Variants in PPP1R12C observed in about 807,000 individuals in gnomAD.
The protein encoded by PPP1R12C is protein phosphatase 1 regulatory subunit 12C.
Under a neutral mutation model 95.6 loss-of-function variants are expected in PPP1R12C, and 48 were observed. That is an observed-to-expected ratio of 0.50 (90% CI 0.40 to 0.64). The LOEUF (loss-of-function observed/expected upper bound fraction) is 0.64, where lower values mean the gene tolerates loss of function less well. Among genes scored for constraint, PPP1R12C ranks in the 30% least tolerant of loss-of-function variants. The probability of loss-of-function intolerance (pLI) is 0.00; values close to 1 mark genes in which losing one functional copy is unlikely to be tolerated. For synonymous variants in PPP1R12C, 480 were observed against 460.8 expected (o/e 1.04, Z -0.53); for missense variants, 1,057 against 1,083.3 (o/e 0.98, Z 0.34).
At chr19:55,092,709 G>C in intron 16 of PPP1R12C, 47 bp from the exon 17 acceptor site, 6 of 1,526,736 alleles carry the variant, frequency 3.9e-6, no homozygotes, top group Non-Finnish European at 5.3e-6. Flanking sequence ...AGGGACTTTA[G>C]CGGGTATGGG....
chr19:55,111,433 T>C (rs1008188424), intron 3 of PPP1R12C: 8 of 152,142 alleles, frequency 5.3e-5, no homozygotes, highest in Non-Finnish European at 1.2e-4. Flanking sequence ...ATCTGAAGCT[T>C]TCCCAAAATA....
At position 55,112,727 on chromosome 19, in the gene PPP1R12C, T is replaced by C. The variant is rs2085111518; in HGVS notation, c.390A>G (p.Ala130=). Residue 130 remains alanine (A), a synonymous_variant, in exon 2 of 22, where the codon GCA becomes GCG. Coordinates refer to ENST00000263433, the MANE Select transcript of PPP1R12C (RefSeq NM_017607.4). The part of the protein sequence containing the change: ...LVEQGATVNQ[A]DNEGWTPLHV... ...GCAGTGGCGTCCAGCCCTCGTTGTC[T>C]GCCTGGTTCACAGTGGCGCCCTGCT... 6.2e-7 allele frequency: 1 copy of C among 1,613,766 alleles called. No homozygotes were observed. The highest frequency in any genetic ancestry group is 1.7e-5 in the Admixed American group (1 of 59,994).
At chr19:55,116,947 GAGT>G (rs2085160643) in intron 1 of PPP1R12C, among the ~76,000 whole-genome samples, 1 of 152,314 alleles carries the variant, frequency 6.6e-6, no homozygotes, top group South Asian at 2.1e-4. Context: ...ATGCGGAAGA[GAGT>G]AGGTCGAAGG....
chr19:55,098,949 A>T lies in PPP1R12C; in HGVS notation c.876+2T>A. ...CTCACCAGCCTGGGCACTGGCCCTC[A>T]CCGCATGGGTCAGTGAGTCCATGCC... is the stretch of plus-strand genomic sequence containing the variant. On this transcript the variant is annotated splice_donor_variant, in intron 5 of 21. Transcript: ENST00000263433. LOFTEE classifies it high-confidence loss of function. The T allele has an allele frequency of 6.3e-7, 1 of 1,583,100 alleles. No individual in the cohort carries two copies. Among genetic ancestry groups the T allele is most frequent in the Middle Eastern group, 1.7e-4 (1 of 5,940 alleles).
intron 4 of PPP1R12C, among the ~76,000 whole-genome samples, chr19:55,102,810 T>C (rs146903654): frequency 6.6e-6 from 1 of 152,334 alleles, no homozygotes; most frequent in Non-Finnish European, 1.5e-5. Flanking sequence ...GGTAAAACGA[T>C]ACATTTCAAA....
chr19:55,107,088 T>C (rs1191151242), intron 3 of PPP1R12C, among the ~76,000 whole-genome samples: 1 of 151,852 alleles, frequency 6.6e-6, no homozygotes, highest in Non-Finnish European at 1.5e-5. Context: ...CATATGGACT[T>C]CAGCTACATA....
chr19:55,093,330 AGAC>A, intron 13 of PPP1R12C, 97 bp from the exon 14 acceptor site: 2 of 185,148 alleles, frequency 1.1e-5, no homozygotes, highest in East Asian at 2.3e-4. Flanking sequence ...CTCCTCCCTC[AGAC>A]CCAGGAGCCC....
chr19:55,106,895 T>A (rs2085044440), intron 3 of PPP1R12C, among the ~76,000 whole-genome samples: 1 of 152,208 alleles, frequency 6.6e-6, no homozygotes, highest in South Asian at 2.1e-4. Context: ...GGTGGCCCAG[T>A]GAGCATCACG....
Position 55,091,125 on chromosome 19 carries a change from TG to T in PPP1R12C, c.*346del. The T allele has an allele frequency of 3.1e-6, 1 of 323,284 alleles. No individual in the cohort carries two copies. Among genetic ancestry groups the T allele is most frequent in the Non-Finnish European group, 5.9e-6 (1 of 170,830 alleles). 20.0% of individuals were successfully genotyped at this position (323,284 alleles called of 1,614,324 possible). ...GGATCCCTGCTCAGGAGGGGAGGGG[TG>T]ACGGGGTGGCATCACACGTGAGATG... On this transcript the variant is annotated 3_prime_UTR_variant, in exon 22 of 22. Coordinates refer to ENST00000263433, the MANE Select transcript of PPP1R12C (RefSeq NM_017607.4).
At position 55,092,602 on chromosome 19, in the gene PPP1R12C, C is replaced by A; in HGVS notation, c.1952+20G>T. 6.5e-7 allele frequency: 1 copy of A among 1,539,856 alleles called. No homozygotes were observed. On this transcript the variant is annotated intron_variant, in intron 17 of 21. Coordinates refer to ENST00000263433, the MANE Select transcript of PPP1R12C (RefSeq NM_017607.4). ...GGCCCGGCCCGCACGCAGACCCCAC[C>A]TCTCCCACCCCGCCCCTACCTGGAC...
chr19:55,110,818 C>A lies in PPP1R12C; in HGVS notation c.571+1649G>T, dbSNP rs1389509413. On this transcript the variant is annotated intron_variant, in intron 3 of 21. Coordinates refer to ENST00000263433, the MANE Select transcript of PPP1R12C (RefSeq NM_017607.4). The stretch of plus-strand genomic sequence containing the variant: ...CCCAGGAGGTGGAGGTTGCAGTGAG[C>A]CGAAATCATGCCATTGCACTCCAGC... Among the ~76,000 whole-genome samples, 5 of 150,678 alleles carry A rather than the reference C, an allele frequency of 3.3e-5. No homozygotes were observed. In the East Asian group the frequency reaches 9.7e-4, roughly 29 times the overall value.
chr19:55,112,839 G>T (rs754275903), intron 1 of PPP1R12C, 44 bp from the exon 2 acceptor site: 1 of 1,606,178 alleles, frequency 6.2e-7, no homozygotes. Flanking sequence ...CCCCAGCCAC[G>T]GTGTCCCAGC....
chr19:55,113,265 C>T, intron 1 of PPP1R12C: 2 of 693,374 alleles, frequency 2.9e-6, no homozygotes, highest in Non-Finnish European at 4.3e-6. Flanking sequence ...GGAAACCACC[C>T]CAGCAGATAC....
Position 55,112,854 on chromosome 19 carries a change from C to T in PPP1R12C, c.322-59G>A, listed in dbSNP as rs529095394. The T allele has an allele frequency of 4.2e-5, 68 of 1,601,248 alleles. 1 individual carries two copies. Among genetic ancestry groups the T allele is most frequent in the South Asian group, 4.2e-4 (38 of 90,800 alleles). ...CCCCAGCCACGGTGTCCCAGCAAGT[C>T]GGGACTCCAGAGGGAGCCACGAAAA... On this transcript the variant is annotated intron_variant, in intron 1 of 21. Coordinates refer to ENST00000263433, the MANE Select transcript of PPP1R12C (RefSeq NM_017607.4).
intron 4 of PPP1R12C, among the ~76,000 whole-genome samples, chr19:55,102,736 C>T (rs1181714973): frequency 6.6e-6 from 1 of 152,138 alleles, no homozygotes; most frequent in Non-Finnish European, 1.5e-5. Context: ...ACCTAATAAC[C>T]TACAGAGAAC....
chr19:55,108,936 C>T (rs1007892390), intron 3 of PPP1R12C, among the ~76,000 whole-genome samples: 2 of 152,146 alleles, frequency 1.3e-5, no homozygotes. Flanking sequence ...AAACTCCCGA[C>T]CTCAGGTGAT....
intron 1 of PPP1R12C, chr19:55,113,653 C>A (rs2053160383): frequency 8.3e-7 from 1 of 1,208,994 alleles, no homozygotes; most frequent in Admixed American, 4.2e-5. Context: ...GATAAATTAC[C>A]CCCCAAGTCC....
At position 55,096,293 on chromosome 19, in the gene PPP1R12C, G is replaced by A. The variant is rs1164640129; in HGVS notation, c.994C>T (p.Pro332Ser). The A allele has an allele frequency of 6.2e-7, 1 of 1,613,796 alleles. No homozygotes were observed. Among genetic ancestry groups the A allele is most frequent in the Non-Finnish European group, 8.5e-7 (1 of 1,179,928 alleles). The change falls in exon 7 of 22, where the codon CCC (proline) becomes TCC (serine). Residue 332 changes from proline to serine, a missense_variant. Pro to Ser is a moderately conservative substitution (Grantham distance 74). This residue lies in a region of PPP1R12C where 356 missense variants were observed against 330.5 expected (regional missense o/e 1.08). Coordinates refer to ENST00000263433, the MANE Select transcript of PPP1R12C (RefSeq NM_017607.4). ...KEASQSRGQEPQAPSSSKHRR... is the reference protein window; with the variant it reads ...KEASQSRGQESQAPSSSKHRR... ...TGTTTGCTGCTAGAGGGCGCTTGGGGCTCCTGGCCCCGGCTCTGGGAAGCT... is the reference window on the plus strand; with the variant it reads ...TGTTTGCTGCTAGAGGGCGCTTGGGACTCCTGGCCCCGGCTCTGGGAAGCT...
At chr19:55,116,793 A>G (rs73935303) in intron 1 of PPP1R12C, among the ~76,000 whole-genome samples, 59 of 152,144 alleles carry the variant, frequency 3.9e-4, no homozygotes, top group African/African-American at 1.4e-3. Context: ...GGTTCAGGAG[A>G]GGGCAGGGCA....
Sources: allele counts gnomAD v4.1 joint callset (sites outside exome capture counted in the v4.1 genomes callset), GRCh38; gene constraint gnomAD v4.1.1; regional missense constraint gnomAD v4.1.1; transcripts MANE v1.5; gene names NCBI Gene and HGNC (gene_info 2026-07-23, HGNC 2026-07-21).